COL28A1: variants seen among roughly 807,000 people sequenced by gnomAD.
COL28A1 encodes collagen type XXVIII alpha 1 chain, also known as collagen alpha-1(XXVIII) chain.
In COL28A1, 161 loss-of-function variants were observed where a neutral mutation model predicts 150.2. The observed-to-expected ratio is 1.07, with a 90% CI of 0.94 to 1.22. COL28A1 has a LOEUF of 1.22. Ranked by LOEUF, COL28A1 falls within the 50% of genes most tolerant of loss-of-function variation. The pLI is 0.00. For missense variants in COL28A1, 1,617 were observed against 1,388.3 expected, an observed-to-expected ratio of 1.16 and a Z score of -2.62; for synonymous variants, 552 against 469.7, an observed-to-expected ratio of 1.18 and a Z score of -2.26.
At chr7:7,479,802 T>A (rs1350446488) in intron 13 of COL28A1, among the ~76,000 whole-genome samples, 4 of 152,184 alleles carry the variant, frequency 2.6e-5, no homozygotes, top group Non-Finnish European at 4.4e-5. Context: ...AATGTACTAA[T>A]GGAAAAATAA....
At chr7:7,395,336 T>C (rs1246361685) in intron 27 of COL28A1, among the ~76,000 whole-genome samples, 2 of 152,188 alleles carry the variant, frequency 1.3e-5, no homozygotes, top group African/African-American at 4.8e-5. Flanking sequence ...GAATGGGATT[T>C]TGGCCCAAAC....
chr7:7,520,653 G>A lies in COL28A1; in HGVS notation c.760-538C>T, dbSNP rs192439805. On this transcript the variant is annotated intron_variant, in intron 5 of 34. Transcript: ENST00000399429. ...TTTCCTGTTCCTAATCAACCAGAAA[G>A]CTTGCTTTTCTGAGAAATGGTGTTG... is the stretch of plus-strand genomic sequence containing the variant. 6.8e-4 allele frequency among the ~76,000 whole-genome samples: 104 copies of A among 152,256 alleles called. 1 individual carries two copies. The highest frequency in any genetic ancestry group is 6.8e-3 in the Middle Eastern group (2 of 294).
At position 7,497,094 on chromosome 7, in the gene COL28A1, A is replaced by AAAGGAAGGAAGGAAGG. The variant is rs141012538; in HGVS notation, c.1027-6464_1027-6449dup. On this transcript the variant is annotated intron_variant, in intron 11 of 34. Coordinates refer to ENST00000399429, the MANE Select transcript of COL28A1 (RefSeq NM_001037763.3). ...GAAAGGAAGGAAGAAAGGAAGGAAGAAAGGAAGGAAGGAAGGAAGGAAGGA... is the reference window on the plus strand; with the variant it reads ...GAAAGGAAGGAAGAAAGGAAGGAAGAAAGGAAGGAAGGAAGGAAGGAAGGAAGGAAGGAAGGAAGGA... Among the ~76,000 whole-genome samples the AAAGGAAGGAAGGAAGG allele has an allele frequency of 3.7e-3, 459 of 123,822 alleles. 1 individual carries two copies. Among genetic ancestry groups the AAAGGAAGGAAGGAAGG allele is most frequent in the East Asian group, 8.5e-3 (35 of 4,096 alleles). The allele number at this position is 123,822 out of a possible 152,430, so 81.2% of individuals were successfully genotyped here.
At chr7:7,542,682 G>A in the COL28A1 span, among the ~76,000 whole-genome samples, 239 of 152,266 alleles carry the variant, frequency 1.6e-3, 3 homozygotes, top group African/African-American at 5.6e-3. Context: ...TGAAAGCAAC[G>A]GGAGCCACTG....
intron 11 of COL28A1, among the ~76,000 whole-genome samples, chr7:7,497,844 T>C (rs983297366): frequency 2.0e-5 from 3 of 152,222 alleles, no homozygotes; most frequent in East Asian, 1.9e-4. Flanking sequence ...AATACTGTGA[T>C]CACACAAGGT....
chr7:7,471,060 A>G (rs2128346602), intron 15 of COL28A1, among the ~76,000 whole-genome samples: 1 of 142,470 alleles, frequency 7.0e-6, no homozygotes, highest in Non-Finnish European at 1.5e-5. Context: ...ATGTATACAT[A>G]TGTAACTAAC....
At chr7:7,509,498 A>C (rs1781006087) in intron 9 of COL28A1, among the ~76,000 whole-genome samples, 2 of 152,154 alleles carry the variant, frequency 1.3e-5, no homozygotes, top group African/African-American at 4.8e-5. Context: ...TGTTTTTCTG[A>C]ACAAACTTGT....
At chr7:7,362,683 A>G (rs1293316826) in intron 33 of COL28A1, among the ~76,000 whole-genome samples, 1 of 152,180 alleles carries the variant, frequency 6.6e-6, no homozygotes, top group African/African-American at 2.4e-5. Flanking sequence ...GGAAATTTTC[A>G]CTGTCCCCTA....
At chr7:7,431,455 T>G (rs75332860) in intron 25 of COL28A1, 3 of 459,702 alleles carry the variant, frequency 6.5e-6, no homozygotes, top group African/African-American at 6.0e-5. Context: ...AGTAATGCTT[T>G]CTGTATGGGT....
At position 7,456,044 on chromosome 7, in the gene COL28A1, C is replaced by T. The variant is rs1478127349; in HGVS notation, c.1371G>A (p.Gln457=). 6.2e-7 allele frequency: 1 copy of T among 1,613,864 alleles called. No individual in the cohort carries two copies. The highest frequency in any genetic ancestry group is 8.5e-7 in the Non-Finnish European group (1 of 1,179,856). ...GGGAAAGGAAGAATGCATTAATTACCTGTTCCCCTTGACTCCCGATTCCAG... is the reference window on the plus strand; with the variant it reads ...GGGAAAGGAAGAATGCATTAATTACTTGTTCCCCTTGACTCCCGATTCCAG... ...GIPGIGSQGE[Q]GIQGPIGPPG... is the part of the protein sequence containing the mutation. The change falls in exon 16 of 35, where the codon CAG becomes CAA. Residue 457 remains glutamine, a splice_region_variant and synonymous_variant. Coordinates refer to ENST00000399429, the MANE Select transcript of COL28A1 (RefSeq NM_001037763.3).
At chr7:7,524,752 A>G (rs1781929448) in intron 3 of COL28A1, among the ~76,000 whole-genome samples, 1 of 152,206 alleles carries the variant, frequency 6.6e-6, no homozygotes, top group African/African-American at 2.4e-5. Context: ...ATCATATTAA[A>G]ACTCAAAAAG....
At chr7:7,482,974 G>C (rs1483316550) in intron 13 of COL28A1, among the ~76,000 whole-genome samples, 1 of 152,192 alleles carries the variant, frequency 6.6e-6, no homozygotes, top group African/African-American at 2.4e-5. Context: ...CAGCAGCAAA[G>C]ACTTTGGCTC....
intron 13 of COL28A1, among the ~76,000 whole-genome samples, chr7:7,480,021 T>A (rs1789259263): frequency 6.6e-6 from 1 of 152,176 alleles, no homozygotes; most frequent in Admixed American, 6.5e-5. Context: ...TGGAACAAAG[T>A]CTGCCAACTT....
intron 22 of COL28A1, 71 bp from the exon 23 acceptor site, chr7:7,436,534 A>G: frequency 2.4e-6 from 2 of 846,548 alleles, no homozygotes; most frequent in Non-Finnish European, 2.1e-6. Flanking sequence ...AGCAAAAAAA[A>G]CCATTGGCCA....
At chr7:7,505,048 A>G (rs1353039353) in intron 11 of COL28A1, among the ~76,000 whole-genome samples, 2 of 152,212 alleles carry the variant, frequency 1.3e-5, no homozygotes. Context: ...CAGTTTCCCC[A>G]GTTGAAGCCT....
At chr7:7,355,862 G>A (rs1019534784), downstream of COL28A1, among the ~76,000 whole-genome samples, 4 of 152,140 alleles carry the variant, frequency 2.6e-5, no homozygotes, top group Non-Finnish European at 5.9e-5. Context: ...ACACTGATGT[G>A]TGTGTACCAA....
At chr7:7,514,242 T>C (rs1377971993) in intron 8 of COL28A1, among the ~76,000 whole-genome samples, 1 of 152,234 alleles carries the variant, frequency 6.6e-6, no homozygotes, top group African/African-American at 2.4e-5. Context: ...GTGAAACTTT[T>C]TTAGTTTTCC....
intron 33 of COL28A1, among the ~76,000 whole-genome samples, chr7:7,366,785 A>G (rs557681648): frequency 7.9e-5 from 12 of 152,346 alleles, no homozygotes; most frequent in Non-Finnish European, 1.3e-4. Flanking sequence ...TTCTGAGATC[A>G]TTGTTTACTA....
At chr7:7,542,512 A>C in the COL28A1 span, among the ~76,000 whole-genome samples, 1 of 152,210 alleles carries the variant, frequency 6.6e-6, no homozygotes, top group African/African-American at 2.4e-5. Flanking sequence ...ACAAAATATT[A>C]GGCCAAAAAG....
Sources: gnomAD v4.1 joint callset for allele counts (sites outside exome capture counted in the v4.1 genomes callset) on GRCh38, gnomAD v4.1.1 for gene constraint, MANE v1.5 for transcripts, NCBI Gene and HGNC (gene_info 2026-07-23, HGNC 2026-07-21) for gene names.